The following METTL15 variants were observed in gnomAD, a reference collection of about 807,000 sequenced individuals.
METTL15 encodes the protein 12S rRNA N(4)-cytidine methyltransferase METTL15.
Under a neutral mutation model 38.3 loss-of-function variants are expected in METTL15, and 34 were observed. That is an observed-to-expected ratio of 0.89 (90% CI 0.68 to 1.18). METTL15 has a LOEUF of 1.18. METTL15 is among the 50% of genes most tolerant of loss of function. The pLI is 0.00. For missense variants in METTL15, 438 were observed against 498.4 expected, an observed-to-expected ratio of 0.88 and a Z score of 1.15; for synonymous variants, 162 against 170.9, an observed-to-expected ratio of 0.95 and a Z score of 0.41.
intron 6 of METTL15, among the ~76,000 whole-genome samples, chr11:28,512,291 G>A (rs537255752): frequency 9.8e-5 from 15 of 152,352 alleles, no homozygotes; most frequent in African/African-American, 3.1e-4. Context: ...CCCGCACCGG[G>A]GCAGCAGGTG....
intron 4 of METTL15, among the ~76,000 whole-genome samples, chr11:28,285,829 G>GA: frequency 6.6e-6 from 1 of 151,992 alleles, no homozygotes; most frequent in East Asian, 1.9e-4. Flanking sequence ...TAGCTCGATG[G>GA]AAAAAAGAAG....
chr11:28,394,427 A>G (rs1850547220), intron 5 of METTL15, among the ~76,000 whole-genome samples: 2 of 152,028 alleles, frequency 1.3e-5, no homozygotes, highest in Admixed American at 6.6e-5. Flanking sequence ...ATTTGGGCCT[A>G]ATTTTCTTTT....
chr11:28,468,689 A>G (rs183771656), intron 6 of METTL15, among the ~76,000 whole-genome samples: 29 of 152,270 alleles, frequency 1.9e-4, no homozygotes, highest in Non-Finnish European at 5.9e-5. Context: ...CTTTGCAAAT[A>G]ACTCCTTGAG....
At chr11:28,319,187 G>A (rs911381000) in intron 6 of METTL15, among the ~76,000 whole-genome samples, 2 of 152,104 alleles carry the variant, frequency 1.3e-5, no homozygotes, top group African/African-American at 2.4e-5. Flanking sequence ...GCCTATTCAG[G>A]TTTAAAGATT....
intron 4 of METTL15, among the ~76,000 whole-genome samples, chr11:28,236,929 C>A (rs1854012717): frequency 6.6e-6 from 1 of 151,418 alleles, no homozygotes; most frequent in Non-Finnish European, 1.5e-5. Flanking sequence ...GAATATTGGC[C>A]CCCACTCTAT....
At chr11:28,316,122 C>T (rs1473047926) in intron 6 of METTL15, among the ~76,000 whole-genome samples, 1 of 152,194 alleles carries the variant, frequency 6.6e-6, no homozygotes, top group Non-Finnish European at 1.5e-5. Context: ...ATCCACCCAA[C>T]AGCTTGCATC....
At chr11:28,457,324 C>A (rs1186048663) in intron 6 of METTL15, among the ~76,000 whole-genome samples, 1 of 152,124 alleles carries the variant, frequency 6.6e-6, no homozygotes, top group Non-Finnish European at 1.5e-5. Context: ...ATGAATGCAG[C>A]ATTATATGTT....
chr11:28,212,365 T>C (rs1852676990), intron 4 of METTL15, among the ~76,000 whole-genome samples: 1 of 152,178 alleles, frequency 6.6e-6, no homozygotes, highest in South Asian at 2.1e-4. Flanking sequence ...TCTATCTGTC[T>C]TCTGCAGTGT....
At chr11:28,129,566 C>T (rs186333371) in intron 3 of METTL15, among the ~76,000 whole-genome samples, 110 of 152,108 alleles carry the variant, frequency 7.2e-4, no homozygotes, top group African/African-American at 2.5e-3. Context: ...TGCAGCTCTA[C>T]GCCTGGCTGA....
At chr11:28,213,055 G>T (rs2133844389) in intron 4 of METTL15, among the ~76,000 whole-genome samples, 1 of 152,234 alleles carries the variant, frequency 6.6e-6, no homozygotes, top group East Asian at 1.9e-4. Flanking sequence ...TTGCTAAAAG[G>T]CATAAACGAC....
chr11:28,325,873 T>G (rs909143732), intron 6 of METTL15, among the ~76,000 whole-genome samples: 9 of 152,168 alleles, frequency 5.9e-5, no homozygotes, highest in African/African-American at 1.9e-4. Context: ...GATAAATAAG[T>G]AAACAAGTAA....
intron 4 of METTL15, among the ~76,000 whole-genome samples, chr11:28,282,366 C>T (rs1856088364): frequency 6.6e-6 from 1 of 152,134 alleles, no homozygotes; most frequent in Non-Finnish European, 1.5e-5. Flanking sequence ...AATAAAAATT[C>T]TCAATCAGCA....
chr11:28,483,299 C>T lies in METTL15; in HGVS notation c.*425-43179C>T, dbSNP rs1296014885. ...CGGGAAAAACTGTTGACTCATGGGCCTGATGTCGGATATTTAGACGACTAA... is the reference window on the plus strand; with the variant it reads ...CGGGAAAAACTGTTGACTCATGGGCTTGATGTCGGATATTTAGACGACTAA... On this transcript the variant is annotated intron_variant and NMD_transcript_variant, in intron 6 of 7. Transcript: ENST00000532947. Among the ~76,000 whole-genome samples, 7 of 152,238 alleles carry T rather than the reference C, an allele frequency of 4.6e-5. No homozygotes were observed. In the East Asian group the frequency reaches 1.4e-3, roughly 29 times the overall value.
chr11:28,131,486 A>G (rs903757907), intron 3 of METTL15, among the ~76,000 whole-genome samples: 9 of 139,416 alleles, frequency 6.5e-5, no homozygotes, highest in Non-Finnish European at 1.2e-4. Flanking sequence ...CTTCCTTTCT[A>G]CTATACTTCC....
intron 6 of METTL15, among the ~76,000 whole-genome samples, chr11:28,458,103 A>C (rs1039109055): frequency 1.1e-4 from 16 of 152,218 alleles, no homozygotes; most frequent in Non-Finnish European, 7.3e-5. Flanking sequence ...GGATGTGCCC[A>C]GAAAAACCTC....
chr11:28,532,085 CCAT>C, the METTL15 span, among the ~76,000 whole-genome samples: 1 of 152,100 alleles, frequency 6.6e-6, no homozygotes, highest in Non-Finnish European at 1.5e-5. Flanking sequence ...CTACCTACCA[CCAT>C]CATCAGCATC....
intron 5 of METTL15, among the ~76,000 whole-genome samples, chr11:28,378,325 C>A (rs985793298): frequency 6.6e-6 from 1 of 152,202 alleles, no homozygotes; most frequent in African/African-American, 2.4e-5. Context: ...GGGGTAGGAC[C>A]CTCTGAGCCA....
At chr11:28,239,973 T>G (rs539024248) in intron 4 of METTL15, among the ~76,000 whole-genome samples, 1 of 152,208 alleles carries the variant, frequency 6.6e-6, no homozygotes, top group East Asian at 1.9e-4. Context: ...TATTTTTCCC[T>G]TACTGTTATA....
chr11:28,518,030 T>C (rs1315007670), intron 6 of METTL15, among the ~76,000 whole-genome samples: 2 of 152,166 alleles, frequency 1.3e-5, no homozygotes, highest in Admixed American at 1.3e-4. Flanking sequence ...AACTTCAAAT[T>C]AGTTAATGTT....
Sources: gnomAD v4.1 joint callset for allele counts (sites outside exome capture counted in the v4.1 genomes callset) on GRCh38, gnomAD v4.1.1 for gene constraint, MANE v1.5 for transcripts, NCBI Gene and HGNC (gene_info 2026-07-23, HGNC 2026-07-21) for gene names.